TRPM3: variants seen among roughly 807,000 people sequenced by gnomAD.
TRPM3 encodes transient receptor potential cation channel subfamily M member 3.
A neutral mutation model predicts 181.2 loss-of-function variants in TRPM3; 77 were observed. The ratio of observed to expected loss-of-function variants is 0.42; its 90% CI spans 0.35 to 0.51. The LOEUF is 0.51. Ranked by LOEUF, TRPM3 falls within the 20% of genes least tolerant of loss-of-function variation. The pLI is 0.01. For missense variants in TRPM3, 1,759 were observed against 2,196.7 expected (o/e 0.80, Z 3.98); for synonymous variants, 745 against 796.4 (o/e 0.94, Z 1.09).
intron 1 of TRPM3, among the ~76,000 whole-genome samples, chr9:71,042,789 T>C (rs2058980796): frequency 6.6e-6 from 1 of 152,174 alleles, no homozygotes; most frequent in Non-Finnish European, 1.5e-5. Flanking sequence ...TTAAAAGGTT[T>C]TGAATAAGAA....
chr9:71,165,865 C>T (rs2076516668), intron 1 of TRPM3, among the ~76,000 whole-genome samples: 1 of 151,986 alleles, frequency 6.6e-6, no homozygotes, highest in Admixed American at 6.6e-5. Flanking sequence ...ATGTCTATCC[C>T]CAGGAATGTG....
intron 21 of TRPM3, among the ~76,000 whole-genome samples, chr9:70,597,361 T>C (rs111389926): frequency 1.3e-5 from 2 of 152,320 alleles, no homozygotes; most frequent in African/African-American, 4.8e-5. Context: ...CATGACCCAC[T>C]GTGTCTGACC....
intron 1 of TRPM3, among the ~76,000 whole-genome samples, chr9:70,973,571 T>C (rs35504246): frequency 0.3 from 44,897 of 151,932 alleles, 6,649 homozygotes; most frequent in East Asian, 0.37. Flanking sequence ...ATGAAAAAGA[T>C]GACTCATGGG....
At chr9:71,373,521 A>C (rs1378778260) in intron 1 of TRPM3, among the ~76,000 whole-genome samples, 1 of 152,206 alleles carries the variant, frequency 6.6e-6, no homozygotes, top group African/African-American at 2.4e-5. Flanking sequence ...TAAACTAGAA[A>C]ATCTTGAAGA....
At chr9:70,542,674 C>T (rs990785910) in intron 25 of TRPM3, among the ~76,000 whole-genome samples, 25 of 152,260 alleles carry the variant, frequency 1.6e-4, no homozygotes, top group East Asian at 1.9e-4. Flanking sequence ...CTGATAACCT[C>T]GAAATGTGGT....
At chr9:71,072,670 A>T (rs1472033507) in intron 1 of TRPM3, among the ~76,000 whole-genome samples, 2 of 152,184 alleles carry the variant, frequency 1.3e-5, no homozygotes, top group Non-Finnish European at 2.9e-5. Flanking sequence ...AATATCATGC[A>T]TTGTTGAAGG....
At chr9:70,700,819 A>T (rs919061743) in intron 8 of TRPM3, among the ~76,000 whole-genome samples, 2 of 152,232 alleles carry the variant, frequency 1.3e-5, no homozygotes, top group African/African-American at 4.8e-5. Context: ...TGTACATACA[A>T]TGGTTTTGTG....
At chr9:71,378,089 A>G (rs949748220) in intron 1 of TRPM3, among the ~76,000 whole-genome samples, 1 of 152,146 alleles carries the variant, frequency 6.6e-6, no homozygotes, top group African/African-American at 2.4e-5. Flanking sequence ...ATTCTAGAAT[A>G]TATCAATAAC....
At chr9:71,164,040 A>G (rs1001007923) in intron 1 of TRPM3, among the ~76,000 whole-genome samples, 1 of 152,128 alleles carries the variant, frequency 6.6e-6, no homozygotes, top group Admixed American at 6.6e-5. Flanking sequence ...CAAGCAACAG[A>G]TGCTAATGAG....
intron 9 of TRPM3, among the ~76,000 whole-genome samples, chr9:70,675,918 C>G (rs1162660614): frequency 6.6e-6 from 1 of 152,118 alleles, no homozygotes; most frequent in Non-Finnish European, 1.5e-5. Flanking sequence ...TTATTTATCT[C>G]TTAACATTTT....
At chr9:71,305,172 T>C (rs2087158411) in intron 1 of TRPM3, among the ~76,000 whole-genome samples, 2 of 152,206 alleles carry the variant, frequency 1.3e-5, no homozygotes, top group African/African-American at 4.8e-5. Flanking sequence ...AAGAAAGGCA[T>C]GGACATTTAG....
chr9:70,558,865 G>T (rs7021166), intron 22 of TRPM3, among the ~76,000 whole-genome samples: 3,046 of 152,232 alleles, frequency 0.02, 112 homozygotes, highest in African/African-American at 0.068. Context: ...ACTTATGGGG[G>T]TCACATTGAC....
intron 1 of TRPM3, among the ~76,000 whole-genome samples, chr9:71,301,300 T>C (rs1420967978): frequency 6.6e-6 from 1 of 152,174 alleles, no homozygotes; most frequent in Non-Finnish European, 1.5e-5. Flanking sequence ...TTTTGTACTG[T>C]ATAGATAGAA....
At chr9:70,794,598 C>A (rs1209118741) in intron 6 of TRPM3, among the ~76,000 whole-genome samples, 1 of 152,160 alleles carries the variant, frequency 6.6e-6, no homozygotes, top group Non-Finnish European at 1.5e-5. Context: ...CTTTGGGCTG[C>A]CTGTTTGCAT....
At chr9:70,591,816 ATTC>A (rs1274130755) in intron 21 of TRPM3, among the ~76,000 whole-genome samples, 1 of 152,204 alleles carries the variant, frequency 6.6e-6, no homozygotes, top group Non-Finnish European at 1.5e-5. Context: ...ACTGCATAGT[ATTC>A]TACCACCAAC....
chr9:70,752,461 A>G (rs894373703), intron 8 of TRPM3, among the ~76,000 whole-genome samples: 1 of 152,186 alleles, frequency 6.6e-6, no homozygotes, highest in African/African-American at 2.4e-5. Flanking sequence ...AGTAGAATAT[A>G]TAGAAGAATA....
At chr9:70,618,759 C>T in intron 17 of TRPM3, 108 bp downstream of exon 17, 1 of 902,442 alleles carries the variant, frequency 1.1e-6, no homozygotes, top group East Asian at 2.6e-5. Context: ...TTTAGAACCT[C>T]CCTCCTGAGA....
At chr9:71,303,242 G>C (rs565435828) in intron 1 of TRPM3, among the ~76,000 whole-genome samples, 1 of 152,312 alleles carries the variant, frequency 6.6e-6, no homozygotes, top group East Asian at 1.9e-4. Flanking sequence ...CTGTGTAAAG[G>C]AAGAGAACAA....
chr9:70,643,207 G>A (rs1171429657), intron 9 of TRPM3, among the ~76,000 whole-genome samples: 1 of 152,180 alleles, frequency 6.6e-6, no homozygotes, highest in African/African-American at 2.4e-5. Flanking sequence ...AAAATGTTCT[G>A]TCATCAATTT....
Sources: allele counts gnomAD v4.1 joint callset (sites outside exome capture counted in the v4.1 genomes callset), GRCh38; gene constraint gnomAD v4.1.1; transcripts MANE v1.5; gene names NCBI Gene and HGNC (gene_info 2026-07-23, HGNC 2026-07-21).